CYP26C1: variants seen among roughly 807,000 people sequenced by gnomAD.
The protein encoded by CYP26C1 is cytochrome P450 family 26 subfamily C member 1, also known as cytochrome P450 26C1.
A neutral mutation model predicts 39.1 loss-of-function variants in CYP26C1; 41 were observed. The ratio of observed to expected loss-of-function variants is 1.05; its 90% CI spans 0.82 to 1.36. The LOEUF is 1.36. Among genes scored for constraint, CYP26C1 ranks in the 40% most tolerant of loss-of-function variants. The probability of loss-of-function intolerance (pLI) is 0.00; values close to 1 mark genes in which losing one functional copy is unlikely to be tolerated. For missense variants in CYP26C1, 833 were observed against 752.0 expected (o/e 1.11, Z -1.26); for synonymous variants, 362 against 350.8 (o/e 1.03, Z -0.36).
chr10:93,068,954 C>T lies in CYP26C1; in HGVS notation c.*257C>T. On this transcript the variant is annotated 3_prime_UTR_variant, in exon 6 of 6. Coordinates refer to ENST00000651965, the MANE Select transcript of CYP26C1 (RefSeq NM_183374.3). ...TCCGCGCCCAGAGGAAGGAAAATGTCGTGGGCCAAGCAGGAATGGAGGGAA... is the reference window on the plus strand; with the variant it reads ...TCCGCGCCCAGAGGAAGGAAAATGTTGTGGGCCAAGCAGGAATGGAGGGAA... 1.9e-6 allele frequency: 1 copy of T among 519,390 alleles called. No individual in the cohort carries two copies. The highest frequency in any genetic ancestry group is 3.1e-6 in the Non-Finnish European group (1 of 319,714). The allele number at this position is 519,390 out of a possible 1,614,324, so 32.2% of individuals were successfully genotyped here. A position where few individuals can be genotyped will look rare whatever the true frequency, so the allele number is the denominator to read the frequency against.
chr10:93,063,997 A>G (rs1846783642), intron 3 of CYP26C1: 1 of 1,018,952 alleles, frequency 9.8e-7, no homozygotes, highest in Non-Finnish European at 1.2e-6. Flanking sequence ...AAGGTACCCC[A>G]GCCTGAGCCT....
chr10:93,063,877 G>A (rs1446929350), intron 3 of CYP26C1: 40 of 985,770 alleles, frequency 4.1e-5, no homozygotes, highest in Non-Finnish European at 4.7e-5. Context: ...CTTTTGCTGC[G>A]GCTATTCCCT....
chr10:93,068,333 C>T lies in CYP26C1; in HGVS notation c.1205C>T (p.Pro402Leu), dbSNP rs543299263. 13 of 1,523,000 alleles carry T rather than the reference C, an allele frequency of 8.5e-6. No homozygotes were observed. The African/African-American group carries it at 1.4e-4, about 16-fold the overall frequency. 94.3% of individuals were successfully genotyped at this position (1,523,000 alleles called of 1,614,324 possible). Residue 402 changes from proline to leucine, a missense_variant, in exon 6 of 6, where the codon CCC (proline) becomes CTC (leucine). Physicochemically the swap from Pro to Leu is moderately conservative, Grantham distance 98. Coordinates refer to ENST00000651965, the MANE Select transcript of CYP26C1 (RefSeq NM_183374.3). ...RTFELDGYQIPKGWSVMYSIR... is the reference protein window; with the variant it reads ...RTFELDGYQILKGWSVMYSIR... ...GCCTCTCTGCAGGGCTACCAGATCC[C>T]CAAGGGCTGGAGCGTGATGTATAGC...
At chr10:93,061,974 G>A (rs1353556429) in intron 1 of CYP26C1, 36 bp from the exon 2 acceptor site, 2 of 1,539,520 alleles carry the variant, frequency 1.3e-6, no homozygotes, top group Non-Finnish European at 1.8e-6. Flanking sequence ...CCCAGGCCCA[G>A]AAGTTCCAGC....
rs935949309 is a variant in CYP26C1 at position 93,065,891 on chromosome 10, G to A, written c.862-65G>A. The A allele has an allele frequency of 9.8e-6, 14 of 1,425,390 alleles. No individual in the cohort carries two copies. The African/African-American group carries it at 1.9e-4, about 20-fold the overall frequency. 88.3% of individuals were successfully genotyped at this position (1,425,390 alleles called of 1,614,324 possible). A position where few individuals can be genotyped will look rare whatever the true frequency, so the allele number is the denominator to read the frequency against. The stretch of plus-strand genomic sequence containing the variant: ...GGGTGCTTTTCATCTCCACGGGGCC[G>A]TCGGGTCAGCGCCCCGGGCGACTCC... On this transcript the variant is annotated intron_variant, in intron 4 of 5. Coordinates refer to ENST00000651965, the MANE Select transcript of CYP26C1 (RefSeq NM_183374.3).
Position 93,062,812 on chromosome 10 carries a change from G to C in CYP26C1, c.522G>C (p.Ala174=), listed in dbSNP as rs1408332340. The change falls in exon 3 of 6, where the codon GCG becomes GCC. Residue 174 remains alanine (A), a synonymous_variant. Coordinates refer to ENST00000651965, the MANE Select transcript of CYP26C1 (RefSeq NM_183374.3). ...ALRHEVRSWC[A]AGGPVSVYDA... ...GGCATGAGGTGCGCTCCTGGTGCGCGGCGGGCGGGCCGGTCTCAGTCTACG... is the reference window on the plus strand; with the variant it reads ...GGCATGAGGTGCGCTCCTGGTGCGCCGCGGGCGGGCCGGTCTCAGTCTACG... 3.2e-6 allele frequency: 5 copies of C among 1,556,718 alleles called. No individual in the cohort carries two copies. In the South Asian group the frequency reaches 4.6e-5, roughly 14 times the overall value.
chr10:93,062,139 C>T lies in CYP26C1; in HGVS notation c.334C>T (p.Leu112=). 6.5e-7 allele frequency: 1 copy of T among 1,545,860 alleles called. No homozygotes were observed. The highest frequency in any genetic ancestry group is 8.7e-7 in the Non-Finnish European group (1 of 1,147,716). ...CACCATCCTGCTGGGCGAGCACCGCCTGGTGCGCAGCCAGTGGCCGCAGAG... is the reference window on the plus strand; with the variant it reads ...CACCATCCTGCTGGGCGAGCACCGCTTGGTGCGCAGCCAGTGGCCGCAGAG... ...VRTILLGEHR[L]VRSQWPQSAH... The change falls in exon 2 of 6, where the codon CTG becomes TTG. Residue 112 remains leucine (L), a synonymous_variant. Coordinates refer to ENST00000651965, the MANE Select transcript of CYP26C1 (RefSeq NM_183374.3).
chr10:93,065,662 G>T (rs1251120529), intron 4 of CYP26C1, among the ~76,000 whole-genome samples: 3 of 152,228 alleles, frequency 2.0e-5, no homozygotes, highest in African/African-American at 7.2e-5. Context: ...TATGCTTAAA[G>T]CACCAAGAAG....
intron 3 of CYP26C1, chr10:93,063,461 G>C (rs541983692): frequency 5.3e-4 from 528 of 988,670 alleles, no homozygotes; most frequent in Non-Finnish European, 5.7e-4. Flanking sequence ...GGGTGTGGGC[G>C]TCAGCTCCAC....
intron 3 of CYP26C1, chr10:93,063,211 C>T (rs1846775409): frequency 1.0e-5 from 13 of 1,274,844 alleles, no homozygotes; most frequent in Non-Finnish European, 1.3e-5. Flanking sequence ...CTGGGGCTGG[C>T]CACACGACCT....
intron 5 of CYP26C1, 27 bp from the exon 6 acceptor site, chr10:93,068,293 C>A: frequency 6.7e-7 from 1 of 1,481,998 alleles, no homozygotes; most frequent in South Asian, 1.4e-5. Flanking sequence ...GCCTCGTGGT[C>A]AGGCTGATCT....
At chr10:93,063,030 G>T (rs930268019) in intron 3 of CYP26C1, 35 bp downstream of exon 3, 13 of 1,501,142 alleles carry the variant, frequency 8.7e-6, no homozygotes, top group Non-Finnish European at 3.5e-6. Flanking sequence ...TTCCTCCGAG[G>T]CTCCGCGGCG....
In CYP26C1 at chr10:93,068,784, C is replaced by A. The variant is rs758848576; in HGVS notation, c.*87C>A. On this transcript the variant is annotated 3_prime_UTR_variant, in exon 6 of 6. Transcript: ENST00000651965. ...TCTGCCGCTCCCCATTGTAGCGTCG[C>A]GCGCCCACTCTTTCACTCGTTCAAC... is the stretch of plus-strand genomic sequence containing the variant. 4.9e-6 allele frequency: 7 copies of A among 1,433,650 alleles called. No homozygotes were observed. The highest frequency in any genetic ancestry group is 6.4e-6 in the Non-Finnish European group (7 of 1,092,670). 88.8% of individuals were successfully genotyped at this position (1,433,650 alleles called of 1,614,324 possible).
rs550466265 is a variant in CYP26C1 at position 93,068,514 on chromosome 10, G to T, written c.1386G>T (p.Gln462His). 6.2e-7 allele frequency: 1 copy of T among 1,605,370 alleles called. No individual in the cohort carries two copies. The highest frequency in any genetic ancestry group is 2.2e-5 in the East Asian group (1 of 44,596). Residue 462 changes from glutamine to histidine, a missense_variant, in exon 6 of 6, where the codon CAG becomes CAT. Physicochemically the swap from Gln to His is conservative, Grantham distance 24. Transcript: ENST00000651965. ...FGGGARSCLGQELAQAVLQLL... is the reference protein window; with the variant it reads ...FGGGARSCLGHELAQAVLQLL... ...GCGGTGCGCGCAGCTGCCTCGGCCA[G>T]GAGCTGGCGCAAGCCGTGCTCCAGC... is the stretch of plus-strand genomic sequence containing the variant.
Position 93,066,166 on chromosome 10 carries a change from C to G in CYP26C1, c.1072C>G (p.Leu358Val). 1 of 1,432,446 alleles carries G rather than the reference C, an allele frequency of 7.0e-7. No individual in the cohort carries two copies. The highest frequency in any genetic ancestry group is 1.6e-5 in the South Asian group (1 of 64,226). 88.7% of individuals were successfully genotyped at this position (1,432,446 alleles called of 1,614,324 possible). A position where few individuals can be genotyped will look rare whatever the true frequency, so the allele number is the denominator to read the frequency against. ...GCCCGACTGCGGCTGCGAGCCCGAC[C>G]TCAGCCTCGCGGCGCTGGGCCGTCT... ...PPPDCGCEPDLSLAALGRLRY... is the reference protein window; with the variant it reads ...PPPDCGCEPDVSLAALGRLRY... Residue 358 changes from leucine to valine, a missense_variant, in exon 5 of 6, where the codon CTC (leucine) becomes GTC (valine). By Grantham distance (32) the Leu-to-Val change is conservative (BLOSUM62 1). Coordinates refer to ENST00000651965, the MANE Select transcript of CYP26C1 (RefSeq NM_183374.3).
At chr10:93,065,069 A>G (rs1230736515) in intron 4 of CYP26C1, among the ~76,000 whole-genome samples, 1 of 152,048 alleles carries the variant, frequency 6.6e-6, no homozygotes, top group Non-Finnish European at 1.5e-5. Flanking sequence ...CTCCCCTTGT[A>G]CACACATCGC....
intron 5 of CYP26C1, among the ~76,000 whole-genome samples, chr10:93,067,988 C>T (rs920403942): frequency 6.6e-6 from 1 of 152,136 alleles, no homozygotes; most frequent in Admixed American, 6.5e-5. Context: ...CAAAACCAAA[C>T]GGGAACATAA....
intron 4 of CYP26C1, chr10:93,064,757 C>T (rs537403069): frequency 7.8e-7 from 1 of 1,274,262 alleles, no homozygotes; most frequent in Non-Finnish European, 9.9e-7. Context: ...AGTAGGAGAA[C>T]TGAAGGCAAG....
In CYP26C1 at chr10:93,066,028, C is replaced by T. The variant is rs898250789; in HGVS notation, c.934C>T (p.Leu312=). 10 of 1,557,548 alleles carry T rather than the reference C, an allele frequency of 6.4e-6. No homozygotes were observed. The highest frequency in any genetic ancestry group is 1.4e-5 in the African/African-American group (1 of 70,878). ...ASASTSLVLL[L]LQHPAAIAKI... ...TGCCAGCACCTCGCTCGTCCTGCTG[C>T]TACTGCAGCATCCGGCGGCCATCGC... The change falls in exon 5 of 6, where the codon CTA becomes TTA. Residue 312 remains leucine, a synonymous_variant. Coordinates refer to ENST00000651965, the MANE Select transcript of CYP26C1 (RefSeq NM_183374.3).
Sources: allele counts gnomAD v4.1 joint callset (sites outside exome capture counted in the v4.1 genomes callset), GRCh38; gene constraint gnomAD v4.1.1; transcripts MANE v1.5; gene names NCBI Gene and HGNC (gene_info 2026-07-23, HGNC 2026-07-21).